The following ATAD2 variants were observed in gnomAD, a reference collection of about 807,000 sequenced individuals.
ATAD2 encodes ATPase family AAA domain containing 2.
In ATAD2, 62 loss-of-function variants were observed where a neutral mutation model predicts 168.9. The ratio of observed to expected loss-of-function variants is 0.37; its 90% confidence interval spans 0.30 to 0.45. ATAD2 has a LOEUF of 0.45. ATAD2 is among the 20% of genes least tolerant of loss of function. The pLI, the probability that ATAD2 is intolerant of heterozygous loss-of-function variation, is 1.00. For missense variants in ATAD2, 1,419 were observed against 1,667.8 expected (o/e 0.85, Z 2.60); for synonymous variants, 613 against 571.6 (o/e 1.07, Z -1.03).
chr8:123,350,475 G>C (rs1408697227), intron 13 of ATAD2, among the ~76,000 whole-genome samples: 1 of 152,110 alleles, frequency 6.6e-6, no homozygotes. Context: ...GTTTACATTT[G>C]ATTTAGTTAA....
intron 15 of ATAD2, 149 bp from the exon 16 acceptor site, chr8:123,347,555 T>C: frequency 2.6e-6 from 2 of 781,236 alleles, no homozygotes; most frequent in South Asian, 4.0e-5. Flanking sequence ...GACCAAAATC[T>C]CTTTTACCCA....
chr8:123,385,344 G>A (rs1829617643), intron 1 of ATAD2, among the ~76,000 whole-genome samples: 1 of 152,166 alleles, frequency 6.6e-6, no homozygotes, highest in Non-Finnish European at 1.5e-5. Context: ...ACTTTGCTAA[G>A]AGTTTGCTCA....
intron 1 of ATAD2, among the ~76,000 whole-genome samples, chr8:123,382,202 T>A (rs976059512): frequency 6.6e-6 from 1 of 152,200 alleles, no homozygotes; most frequent in African/African-American, 2.4e-5. Flanking sequence ...TTGGATCACA[T>A]CCCAGGCTGG....
chr8:123,408,826 T>A (rs1411667038), intron 1 of ATAD2, among the ~76,000 whole-genome samples: 1 of 148,550 alleles, frequency 6.7e-6, no homozygotes, highest in African/African-American at 2.5e-5. Flanking sequence ...CTGGAAGATA[T>A]ATTCTTTTTT....
Position 123,346,405 on chromosome 8 carries a change from T to C in ATAD2, c.2346-133A>G, listed in dbSNP as rs892666214. On this transcript the variant is annotated intron_variant, in intron 17 of 27. Coordinates refer to ENST00000287394, the MANE Select transcript of ATAD2 (RefSeq NM_014109.4). ...CCAACCAATCATAACATGGTTCACATAGTTTCTGGAAACTGACCCCCAAAG... is the reference window on the plus strand; with the variant it reads ...CCAACCAATCATAACATGGTTCACACAGTTTCTGGAAACTGACCCCCAAAG... The C allele has an allele frequency of 1.2e-5, 12 of 1,024,114 alleles. No individual in the cohort carries two copies. The East Asian group carries it at 1.4e-4, about 12-fold the overall frequency. The allele number at this position is 1,024,114 out of a possible 1,614,324, so 63.4% of individuals were successfully genotyped here.
chr8:123,370,371 T>C (rs1379727587), intron 6 of ATAD2, among the ~76,000 whole-genome samples: 1 of 152,120 alleles, frequency 6.6e-6, no homozygotes, highest in Non-Finnish European at 1.5e-5. Flanking sequence ...CAAGTTAACA[T>C]AACTTTTTGA....
In ATAD2 at chr8:123,372,955, C is replaced by T. The variant is rs556267172; in HGVS notation, c.321-269G>A. Among the ~76,000 whole-genome samples the T allele has an allele frequency of 6.7e-4, 101 of 150,414 alleles. 1 individual carries two copies. The highest frequency in any genetic ancestry group is 2.4e-3 in the African/African-American group (99 of 40,810). ...TCGCCCAGGCTGGAGTGCAGTGGCG[C>T]GATCTCGGCTCACTGCAAGCTCCCC... On this transcript the variant is annotated intron_variant, in intron 2 of 27. Coordinates refer to ENST00000287394, the MANE Select transcript of ATAD2 (RefSeq NM_014109.4).
At chr8:123,406,366 C>T (rs1458083845) in intron 1 of ATAD2, among the ~76,000 whole-genome samples, 3 of 106,522 alleles carry the variant, frequency 2.8e-5, no homozygotes, top group Admixed American at 2.9e-4. Flanking sequence ...GGGGACAGAG[C>T]GGGACACTGT....
chr8:123,383,942 G>T (rs1328259891), intron 1 of ATAD2, among the ~76,000 whole-genome samples: 1 of 151,818 alleles, frequency 6.6e-6, no homozygotes, highest in African/African-American at 2.4e-5. Flanking sequence ...TTAGCTGGGT[G>T]TGGTAGCACG....
intron 1 of ATAD2, among the ~76,000 whole-genome samples, chr8:123,407,261 TG>T (rs1450784927): frequency 2.6e-5 from 4 of 152,216 alleles, no homozygotes; most frequent in African/African-American, 4.8e-5. Flanking sequence ...AATACATTCC[TG>T]GTTTTTAAAG....
Position 123,347,191 on chromosome 8 carries a change from C to T in ATAD2, c.2113G>A (p.Val705Met), listed in dbSNP as rs1279612659. ...ACAGTGTTTTGCAGGAGTGGTTTCACAACGGTGGACAGTGCCTGCCCAGGT... is the reference window on the plus strand; with the variant it reads ...ACAGTGTTTTGCAGGAGTGGTTTCATAACGGTGGACAGTGCCTGCCCAGGT... Reference protein sequence around the residue: ...TSPGQALSTVVKPLLQNTVDK... With the variant: ...TSPGQALSTVMKPLLQNTVDK... The change falls in exon 16 of 28, where the codon GTG becomes ATG. Residue 705 changes from valine (V) to methionine (M), a missense_variant. Coordinates refer to ENST00000287394, the MANE Select transcript of ATAD2 (RefSeq NM_014109.4). The T allele has an allele frequency of 1.9e-6, 3 of 1,614,046 alleles. No individual in the cohort carries two copies. The highest frequency in any genetic ancestry group is 2.5e-6 in the Non-Finnish European group (3 of 1,180,032).
In ATAD2 at chr8:123,337,595, A is replaced by G. The variant is rs181875487; in HGVS notation, c.3051+30T>C. 591 of 1,548,922 alleles carry G rather than the reference A, an allele frequency of 3.8e-4. 1 individual carries two copies. The African/African-American group carries it at 6.6e-3, about 17-fold the overall frequency. On this transcript the variant is annotated intron_variant, in intron 21 of 27. Coordinates refer to ENST00000287394, the MANE Select transcript of ATAD2 (RefSeq NM_014109.4). ...TGATTGTGAAGCATTATGGCCTAGAATACACTTGATCCAAAGATTAAACTA... is the reference window on the plus strand; with the variant it reads ...TGATTGTGAAGCATTATGGCCTAGAGTACACTTGATCCAAAGATTAAACTA...
chr8:123,347,041 C>T (rs765470287), intron 16 of ATAD2, 51 bp downstream of exon 16: 1 of 1,491,590 alleles, frequency 6.7e-7, no homozygotes. Context: ...TGAAACATTT[C>T]ACTTTACTGA....
Position 123,378,701 on chromosome 8 carries a change from C to CAAAAAAAAAAAAAA in ATAD2, c.320+1814_320+1827dup, listed in dbSNP as rs71808201. ...TGGGCAACAGAGCAAGACTGTGTCT[C>CAAAAAAAAAAAAAA]AAAAAAAAAAAAAAAAAAAAAAAAT... On this transcript the variant is annotated intron_variant, in intron 2 of 27. Transcript: ENST00000287394. Among the ~76,000 whole-genome samples the CAAAAAAAAAAAAAA allele has an allele frequency of 1.6e-3, 118 of 73,040 alleles. 7 individuals are homozygous for CAAAAAAAAAAAAAA. The highest frequency in any genetic ancestry group is 6.6e-3 in the African/African-American group (113 of 17,176). The allele number at this position is 73,040 out of a possible 152,430, so 47.9% of individuals were successfully genotyped here.
chr8:123,383,547 G>A (rs1056820391), intron 1 of ATAD2, among the ~76,000 whole-genome samples: 2 of 152,012 alleles, frequency 1.3e-5, no homozygotes, highest in Non-Finnish European at 2.9e-5. Context: ...CGAGGCTGGC[G>A]GATCACCTGA....
upstream of ATAD2, among the ~76,000 whole-genome samples, chr8:123,397,926 G>C (rs1563870174): frequency 6.6e-6 from 1 of 152,124 alleles, no homozygotes; most frequent in South Asian, 2.1e-4. Flanking sequence ...AGCAGGAAGG[G>C]GAGAGTGGCG....
intron 1 of ATAD2, among the ~76,000 whole-genome samples, chr8:123,388,325 A>T (rs1214827201): frequency 6.6e-6 from 1 of 152,164 alleles, no homozygotes; most frequent in Admixed American, 6.5e-5. Context: ...CCTCCCCGGT[A>T]GTAGCTGGGG....
At position 123,346,156 on chromosome 8, in the gene ATAD2, G is replaced by A; in HGVS notation, c.2462C>T (p.Thr821Ile). The A allele has an allele frequency of 6.2e-7, 1 of 1,613,258 alleles. No individual in the cohort carries two copies. Among genetic ancestry groups the A allele is most frequent in the Non-Finnish European group, 8.5e-7 (1 of 1,179,626 alleles). The change falls in exon 18 of 28, where the codon ACT (threonine) becomes ATT (isoleucine). Residue 821 changes from threonine (T) to isoleucine (I), a missense_variant. By Grantham distance (89) the Thr-to-Ile change is moderately conservative. This residue lies in a region of ATAD2 where 545 missense variants were observed against 724.9 expected (regional missense o/e 0.75). Coordinates refer to ENST00000287394, the MANE Select transcript of ATAD2 (RefSeq NM_014109.4). ...PAVIHALEKFTVYTLDIPVLF... is the reference protein window; with the variant it reads ...PAVIHALEKFIVYTLDIPVLF... ...AACAGGAATGTCTAATGTATATACAGTAAACTTTTCCAAAGCATGAATGAC... is the reference window on the plus strand; with the variant it reads ...AACAGGAATGTCTAATGTATATACAATAAACTTTTCCAAAGCATGAATGAC...
rs1450646900 is a variant in ATAD2 at position 123,396,325 on chromosome 8, G to C, written c.33C>G (p.His11Gln). ...CCGTGGCCGAGGCCGCGGAGTGGTT[G>C]TGCAGCTCCAAGCTGCTGCGGAGAA... MVVLRSSLELHNHSAASATGS... is the reference protein window; with the variant it reads MVVLRSSLELQNHSAASATGS... The change falls in exon 1 of 28, where the codon CAC (histidine) becomes CAG (glutamine). Residue 11 changes from histidine to glutamine, a missense_variant. By Grantham distance (24) the His-to-Gln change is conservative. Coordinates refer to ENST00000287394, the MANE Select transcript of ATAD2 (RefSeq NM_014109.4). 1.2e-6 allele frequency: 2 copies of C among 1,605,962 alleles called. No individual in the cohort carries two copies.
Sources: allele counts gnomAD v4.1 joint callset (sites outside exome capture counted in the v4.1 genomes callset), GRCh38; gene constraint gnomAD v4.1.1; regional missense constraint gnomAD v4.1.1; transcripts MANE v1.5; gene names NCBI Gene and HGNC (gene_info 2026-07-23, HGNC 2026-07-21).